The following LSM14A variants were observed in gnomAD, a reference collection of about 807,000 sequenced individuals.
LSM14A encodes the protein LSM14A mRNA processing body assembly factor, also known as protein LSM14 homolog A.
In LSM14A, 14 loss-of-function variants were observed where a neutral mutation model predicts 52.4. The ratio of observed to expected loss-of-function variants is 0.27; its 90% confidence interval spans 0.18 to 0.42. LSM14A has a LOEUF of 0.42. LSM14A is among the 10% of genes least tolerant of loss of function. LSM14A has a pLI of 1.00. For missense variants in LSM14A, 417 were observed against 581.8 expected (o/e 0.72, Z 2.91); for synonymous variants, 185 against 200.3 (o/e 0.92, Z 0.64).
At chr19:34,174,382 T>C (rs1368666482) in intron 1 of LSM14A, among the ~76,000 whole-genome samples, 1 of 152,254 alleles carries the variant, frequency 6.6e-6, no homozygotes, top group Non-Finnish European at 1.5e-5. Context: ...TCTGCAAATT[T>C]GCTGAAGATC....
At chr19:34,174,869 A>G (rs1162669113) in intron 1 of LSM14A, among the ~76,000 whole-genome samples, 3 of 152,210 alleles carry the variant, frequency 2.0e-5, no homozygotes, top group Non-Finnish European at 2.9e-5. Flanking sequence ...TAGTGACTCA[A>G]TAAGTTGGCT....
chr19:34,199,135 T>C (rs999571977), intron 3 of LSM14A, among the ~76,000 whole-genome samples: 13 of 152,166 alleles, frequency 8.5e-5, no homozygotes, highest in African/African-American at 3.1e-4. Context: ...TTTATTTATT[T>C]ATTTATTTTG....
chr19:34,217,210 A>T (rs1197506837), intron 6 of LSM14A, among the ~76,000 whole-genome samples: 1 of 150,000 alleles, frequency 6.7e-6, no homozygotes, highest in Non-Finnish European at 1.5e-5. Flanking sequence ...GTGAGCCAAG[A>T]TCGTACCACT....
In LSM14A at chr19:34,229,089, A is replaced by G. The variant is rs1368584965; in HGVS notation, c.*1701A>G. On this transcript the variant is annotated 3_prime_UTR_variant, in exon 10 of 10. Coordinates refer to ENST00000544216, the MANE Select transcript of LSM14A (RefSeq NM_015578.4). ...AGACTGTTGGAGATGTCCCGGGCCA[A>G]TTTCAAGAAAGAAAACTGTAAATAC... 3.9e-5 allele frequency: 6 copies of G among 152,222 alleles called. No homozygotes were observed. Among genetic ancestry groups the G allele is most frequent in the Admixed American group, 3.3e-4 (5 of 15,282 alleles). The allele number at this position is 152,222 out of a possible 1,614,324, so 9.4% of individuals were successfully genotyped here.
chr19:34,184,055 CTTTTT>C (rs34912989), intron 1 of LSM14A, among the ~76,000 whole-genome samples: 1 of 129,876 alleles, frequency 7.7e-6, no homozygotes, highest in Admixed American at 8.1e-5. Context: ...CTTTCCTTTG[CTTTTT>C]TTTTTTTTTT....
At chr19:34,221,895 T>C (rs1265840121) in intron 9 of LSM14A, 157 bp downstream of exon 9, 28 of 1,380,176 alleles carry the variant, frequency 2.0e-5, no homozygotes, top group Non-Finnish European at 2.6e-5. Context: ...TTCAGATGTA[T>C]ATATAAAGAC....
intron 3 of LSM14A, among the ~76,000 whole-genome samples, chr19:34,205,844 G>T (rs1247108953): frequency 6.6e-6 from 1 of 151,940 alleles, no homozygotes; most frequent in Non-Finnish European, 1.5e-5. Flanking sequence ...GTTTTGGGTG[G>T]GTTTTTTTAT....
In LSM14A at chr19:34,172,557, G is replaced by T; in HGVS notation, c.-86G>T. ...GTCTGAAGCGGCTGCTGTAGGCGCC[G>T]ACGGAGCGAGCGGGCGTGCGGAGCG... On this transcript the variant is annotated 5_prime_UTR_variant, in exon 1 of 10. Transcript: ENST00000544216. The T allele has an allele frequency of 7.1e-7, 1 of 1,401,572 alleles. No homozygotes were observed. Among genetic ancestry groups the T allele is most frequent in the Non-Finnish European group, 9.3e-7 (1 of 1,073,878 alleles). The allele number at this position is 1,401,572 out of a possible 1,614,324, so 86.8% of individuals were successfully genotyped here.
At chr19:34,175,237 T>C (rs1239217213) in intron 1 of LSM14A, among the ~76,000 whole-genome samples, 4 of 151,980 alleles carry the variant, frequency 2.6e-5, no homozygotes, top group African/African-American at 9.7e-5. Flanking sequence ...TTTCTTTTTT[T>C]TTTTTCTTTT....
intron 1 of LSM14A, among the ~76,000 whole-genome samples, chr19:34,182,328 G>A (rs896341199): frequency 6.6e-6 from 1 of 152,086 alleles, no homozygotes; most frequent in Non-Finnish European, 1.5e-5. Context: ...TTTTTCTGTG[G>A]AACTTTGAAG....
intron 6 of LSM14A, among the ~76,000 whole-genome samples, chr19:34,216,259 A>G (rs1304099347): frequency 1.3e-5 from 2 of 151,904 alleles, no homozygotes; most frequent in African/African-American, 4.8e-5. Context: ...TAAAAATACA[A>G]AAAATTAGCC....
intron 3 of LSM14A, among the ~76,000 whole-genome samples, chr19:34,200,112 A>G (rs907971503): frequency 2.6e-5 from 4 of 152,236 alleles, no homozygotes; most frequent in African/African-American, 4.8e-5. Context: ...CTGAAAATAC[A>G]GAATCTAATT....
At chr19:34,202,410 T>G (rs1470660241) in intron 3 of LSM14A, among the ~76,000 whole-genome samples, 2 of 151,106 alleles carry the variant, frequency 1.3e-5, no homozygotes, top group Non-Finnish European at 2.9e-5. Context: ...GGGGGATTGC[T>G]TGAGCCTGAG....
At chr19:34,196,205 CTG>C (rs1047506779) in intron 2 of LSM14A, among the ~76,000 whole-genome samples, 24 of 152,076 alleles carry the variant, frequency 1.6e-4, no homozygotes, top group Non-Finnish European at 2.6e-4. Context: ...GTTTCTACGT[CTG>C]TGAATTTAAT....
At chr19:34,217,696 C>T in intron 6 of LSM14A, among the ~76,000 whole-genome samples, 1 of 125,204 alleles carries the variant, frequency 8.0e-6, no homozygotes. Flanking sequence ...GGGGCACGAT[C>T]TCAGCTCACT....
chr19:34,215,851 A>G (rs929260565), intron 6 of LSM14A, among the ~76,000 whole-genome samples, 190 bp downstream of exon 6: 1 of 152,236 alleles, frequency 6.6e-6, no homozygotes, highest in African/African-American at 2.4e-5. Context: ...TTGCAAATCT[A>G]TATATGGTAG....
chr19:34,220,027 C>T, intron 8 of LSM14A, 150 bp downstream of exon 8: 3 of 641,968 alleles, frequency 4.7e-6, no homozygotes, highest in Non-Finnish European at 8.0e-6. Context: ...TGGAGAGCAG[C>T]AGTGCAGTCA....
At chr19:34,226,073 G>A (rs1450377093) in intron 9 of LSM14A, among the ~76,000 whole-genome samples, 1 of 151,060 alleles carries the variant, frequency 6.6e-6, no homozygotes, top group Non-Finnish European at 1.5e-5. Flanking sequence ...AAAAAAAAAA[G>A]AAAAGAAAGA....
At chr19:34,178,756 A>G (rs2069260614) in intron 1 of LSM14A, among the ~76,000 whole-genome samples, 1 of 152,238 alleles carries the variant, frequency 6.6e-6, no homozygotes, top group African/African-American at 2.4e-5. Flanking sequence ...ATTTCCCTAT[A>G]AAATTAAATT....
Sources: gnomAD v4.1 joint callset for allele counts (sites outside exome capture counted in the v4.1 genomes callset) on GRCh38, gnomAD v4.1.1 for gene constraint, MANE v1.5 for transcripts, NCBI Gene and HGNC (gene_info 2026-07-23, HGNC 2026-07-21) for gene names.